CCDC171: variants seen among roughly 807,000 people sequenced by gnomAD.
The protein encoded by CCDC171 is coiled-coil domain containing 171, also known as coiled-coil domain-containing protein 171.
Under a neutral mutation model 168.2 loss-of-function variants are expected in CCDC171, and 177 were observed. That is an observed-to-expected ratio of 1.05 (90% CI 0.93 to 1.19). CCDC171 has a LOEUF of 1.19. CCDC171 is among the 50% of genes most tolerant of loss of function. The pLI, the probability that CCDC171 is intolerant of heterozygous loss-of-function variation, is 0.00. For synonymous variants in CCDC171, 687 were observed against 540.8 expected (o/e 1.27, Z -3.75); for missense variants, 1,991 against 1,539.0 (o/e 1.29, Z -4.91).
intron 3 of CCDC171, among the ~76,000 whole-genome samples, chr9:15,991,564 A>G (rs1832200856): frequency 6.6e-6 from 1 of 152,182 alleles, no homozygotes; most frequent in South Asian, 2.1e-4. Flanking sequence ...GCAGAAGGCA[A>G]GAAATAACTA....
At chr9:15,908,297 C>G (rs1224074579) in intron 24 of CCDC171, among the ~76,000 whole-genome samples, 1 of 152,138 alleles carries the variant, frequency 6.6e-6, no homozygotes, top group Non-Finnish European at 1.5e-5. Flanking sequence ...AAATGTGGCA[C>G]ATATACACCA....
chr9:16,090,241 T>C, the CCDC171 span, among the ~76,000 whole-genome samples: 1 of 152,076 alleles, frequency 6.6e-6, no homozygotes, highest in Non-Finnish European at 1.5e-5. Flanking sequence ...GAAGCAGCCA[T>C]ATAAAAGGAT....
At chr9:16,066,030 C>T (rs138012674), downstream of CCDC171, among the ~76,000 whole-genome samples, 1 of 152,144 alleles carries the variant, frequency 6.6e-6, no homozygotes, top group East Asian at 1.9e-4. Flanking sequence ...GATCCTTGAC[C>T]CAATCTAGGT....
At chr9:16,039,794 C>T (rs1833543478), upstream of CCDC171, among the ~76,000 whole-genome samples, 2 of 152,066 alleles carry the variant, frequency 1.3e-5, no homozygotes, top group East Asian at 3.9e-4. Context: ...CCTTGAGCTA[C>T]GTGGGTGTCT....
chr9:15,571,498 C>A, intron 2 of CCDC171, 126 bp from the exon 3 acceptor site: 1 of 696,954 alleles, frequency 1.4e-6, no homozygotes, highest in Non-Finnish European at 2.3e-6. Context: ...AGATTGTGAA[C>A]TCTAAGTCAA....
At chr9:15,761,530 T>C (rs1442882449) in intron 18 of CCDC171, among the ~76,000 whole-genome samples, 6 of 152,150 alleles carry the variant, frequency 3.9e-5, no homozygotes, top group African/African-American at 1.4e-4. Flanking sequence ...CAGACTCCAC[T>C]CCAGACCTAA....
intron 1 of CCDC171, among the ~76,000 whole-genome samples, chr9:15,554,711 TC>T (rs1166752946): frequency 2.0e-5 from 3 of 152,168 alleles, no homozygotes; most frequent in African/African-American, 7.2e-5. Context: ...GAGAAACACT[TC>T]CAACACAGGT....
intron 6 of CCDC171, among the ~76,000 whole-genome samples, chr9:15,599,336 C>G (rs1003832157): frequency 6.6e-6 from 1 of 152,110 alleles, no homozygotes; most frequent in Admixed American, 6.6e-5. Context: ...TCTTTTAGGG[C>G]AGGCCTGGTG....
intron 21 of CCDC171, among the ~76,000 whole-genome samples, chr9:15,808,425 G>A (rs1009505711): frequency 5.3e-5 from 8 of 152,194 alleles, no homozygotes; most frequent in Admixed American, 5.2e-4. Flanking sequence ...AGAGGGGCAA[G>A]GGATGATAGA....
intron 24 of CCDC171, among the ~76,000 whole-genome samples, chr9:15,914,594 G>A (rs575219856): frequency 2.0e-5 from 3 of 152,132 alleles, no homozygotes; most frequent in Non-Finnish European, 2.9e-5. Context: ...CCATGGGGGC[G>A]GTCTCTTCTG....
intron 25 of CCDC171, among the ~76,000 whole-genome samples, chr9:15,969,300 A>C (rs1831116926): frequency 6.6e-6 from 1 of 152,206 alleles, no homozygotes; most frequent in Non-Finnish European, 1.5e-5. Context: ...GTAGAATATT[A>C]AAGAGAAATG....
the CCDC171 span, among the ~76,000 whole-genome samples, chr9:16,094,074 G>T: frequency 2.6e-5 from 4 of 152,176 alleles, no homozygotes; most frequent in African/African-American, 9.7e-5. Flanking sequence ...AGGAGGCATA[G>T]TAAGAGGTTG....
At chr9:16,085,009 A>G in the CCDC171 span, among the ~76,000 whole-genome samples, 1 of 152,206 alleles carries the variant, frequency 6.6e-6, no homozygotes, top group African/African-American at 2.4e-5. Context: ...TATAGTGCCT[A>G]CTTTTGGTAG....
intron 3 of CCDC171, among the ~76,000 whole-genome samples, chr9:16,007,302 G>A (rs1458211530): frequency 1.3e-5 from 2 of 151,984 alleles, no homozygotes; most frequent in Non-Finnish European, 2.9e-5. Context: ...TTGTAAATTT[G>A]TTTGAGTTCA....
rs1392040891 is a variant in CCDC171 at position 15,973,140 on chromosome 9, T to C, written c.*1304T>C. The C allele has an allele frequency of 6.6e-6, 1 of 152,232 alleles. No individual in the cohort carries two copies. The highest frequency in any genetic ancestry group is 2.4e-5 in the African/African-American group (1 of 41,474). 9.4% of individuals were successfully genotyped at this position (152,232 alleles called of 1,614,324 possible). A position where few individuals can be genotyped will look rare whatever the true frequency, so the allele number is the denominator to read the frequency against. ...TAAGTGAAGAACAAAAGAATATTTG[T>C]AGTAAGAATTTGTTTTTGTATTAAT... On this transcript the variant is annotated 3_prime_UTR_variant, in exon 26 of 26. Coordinates refer to ENST00000380701, the MANE Select transcript of CCDC171 (RefSeq NM_173550.4).
intron 6 of CCDC171, among the ~76,000 whole-genome samples, chr9:15,619,894 C>G (rs964979917): frequency 4.6e-5 from 7 of 152,138 alleles, no homozygotes; most frequent in Non-Finnish European, 1.0e-4. Context: ...TTCTCCAAAT[C>G]CTAGGGCCCT....
intron 24 of CCDC171, among the ~76,000 whole-genome samples, chr9:15,905,479 A>T (rs182664888): frequency 9.2e-5 from 14 of 152,272 alleles, no homozygotes; most frequent in African/African-American, 3.1e-4. Context: ...ACCAACGAGA[A>T]CAAAGACACA....
chr9:15,912,135 T>C (rs79858667), intron 24 of CCDC171, among the ~76,000 whole-genome samples: 1 of 152,232 alleles, frequency 6.6e-6, no homozygotes, highest in African/African-American at 2.4e-5. Flanking sequence ...TAAATTACTT[T>C]GGGCAGTATA....
intron 21 of CCDC171, among the ~76,000 whole-genome samples, chr9:15,830,040 G>T (rs1388132665): frequency 6.6e-6 from 1 of 152,168 alleles, no homozygotes; most frequent in Admixed American, 6.5e-5. Context: ...AGCGAAGTTG[G>T]TGTGCCTGTG....
Sources: allele counts gnomAD v4.1 joint callset (sites outside exome capture counted in the v4.1 genomes callset), GRCh38; gene constraint gnomAD v4.1.1; transcripts MANE v1.5; gene names NCBI Gene and HGNC (gene_info 2026-07-23, HGNC 2026-07-21).